Variants in TRPM6 observed in about 807,000 individuals in gnomAD.
TRPM6 encodes transient receptor potential cation channel subfamily M member 6.
Under a neutral mutation model 247.6 loss-of-function variants are expected in TRPM6, and 111 were observed. That is an observed-to-expected ratio of 0.45 (90% CI 0.38 to 0.52). The LOEUF is 0.52. Among genes scored for constraint, TRPM6 ranks in the 20% least tolerant of loss-of-function variants. TRPM6 has a pLI of 0.00. For missense variants in TRPM6, 2,126 were observed against 2,421.5 expected, an observed-to-expected ratio of 0.88 and a Z score of 2.56; for synonymous variants, 892 against 853.8, an observed-to-expected ratio of 1.04 and a Z score of -0.78.
At chr9:74,751,213 C>T (rs1826232938) in intron 29 of TRPM6, among the ~76,000 whole-genome samples, 1 of 152,148 alleles carries the variant, frequency 6.6e-6, no homozygotes, top group South Asian at 2.1e-4. Context: ...ATTTCCTACT[C>T]AAATTCAATT....
intron 12 of TRPM6, 104 bp from the exon 13 acceptor site, chr9:74,810,972 T>A: frequency 1.1e-6 from 1 of 891,718 alleles, no homozygotes; most frequent in Non-Finnish European, 1.8e-6. Flanking sequence ...TACTGAAAAT[T>A]GTGTTCAATA....
At chr9:74,877,635 T>C (rs773022724) in intron 1 of TRPM6, among the ~76,000 whole-genome samples, 1 of 152,268 alleles carries the variant, frequency 6.6e-6, no homozygotes, top group South Asian at 2.1e-4. Flanking sequence ...TGCTGCTGCC[T>C]ACAGGGCCAA....
chr9:74,851,262 T>C (rs1186256817), intron 3 of TRPM6, among the ~76,000 whole-genome samples: 1 of 152,106 alleles, frequency 6.6e-6, no homozygotes, highest in Non-Finnish European at 1.5e-5. Context: ...TTTATATAAA[T>C]GTCAATTCCA....
intron 9 of TRPM6, among the ~76,000 whole-genome samples, chr9:74,817,591 G>A (rs904642024): frequency 6.6e-6 from 1 of 152,134 alleles, no homozygotes; most frequent in Non-Finnish European, 1.5e-5. Context: ...CAACACAGAC[G>A]GTCTTTGACT....
chr9:74,800,909 T>TG (rs1828308130), intron 16 of TRPM6, among the ~76,000 whole-genome samples: 1 of 151,348 alleles, frequency 6.6e-6, no homozygotes, highest in East Asian at 1.9e-4. Context: ...AGTGTGTTTT[T>TG]TTTTTTTTTT....
At chr9:74,823,542 AT>A (rs202071138) in intron 7 of TRPM6, among the ~76,000 whole-genome samples, 1,625 of 152,304 alleles carry the variant, frequency 0.011, 22 homozygotes, top group African/African-American at 0.036. Context: ...TTGCTTTGAC[AT>A]TCTACTCCTT....
chr9:74,879,308 T>C (rs1831286932), intron 1 of TRPM6, among the ~76,000 whole-genome samples: 1 of 150,168 alleles, frequency 6.7e-6, no homozygotes, highest in Non-Finnish European at 1.5e-5. Context: ...TATTTGTATA[T>C]GATTTATATA....
intron 31 of TRPM6, among the ~76,000 whole-genome samples, chr9:74,745,335 G>T (rs892573459): frequency 6.6e-6 from 1 of 152,184 alleles, no homozygotes; most frequent in African/African-American, 2.4e-5. Context: ...CCTACTATGT[G>T]CCAGGCACTG....
intron 20 of TRPM6, 134 bp downstream of exon 20, chr9:74,788,480 T>C: frequency 9.6e-7 from 1 of 1,044,132 alleles, no homozygotes. Flanking sequence ...AGCATGTAAG[T>C]CAAGGTCAGT....
chr9:74,810,136 T>C (rs1434327944), intron 13 of TRPM6, among the ~76,000 whole-genome samples: 1 of 152,130 alleles, frequency 6.6e-6, no homozygotes, highest in South Asian at 2.1e-4. Context: ...ATTTTAACCA[T>C]AGTGACAAAT....
chr9:74,791,848 TG>T (rs1225026527), intron 19 of TRPM6, among the ~76,000 whole-genome samples: 2 of 152,160 alleles, frequency 1.3e-5, no homozygotes, highest in Non-Finnish European at 2.9e-5. Flanking sequence ...CTCTGCCCCC[TG>T]GGGTTCTCGC....
At chr9:74,771,184 A>C (rs1371800866) in intron 25 of TRPM6, among the ~76,000 whole-genome samples, 1 of 152,100 alleles carries the variant, frequency 6.6e-6, no homozygotes, top group East Asian at 1.9e-4. Context: ...CACTTCTTTC[A>C]GGCCTCCACT....
intron 37 of TRPM6, among the ~76,000 whole-genome samples, chr9:74,732,413 C>T (rs1357015111): frequency 1.3e-5 from 2 of 152,218 alleles, no homozygotes; most frequent in Admixed American, 1.3e-4. Flanking sequence ...ACATTGGGAA[C>T]TCAGTCAAAT....
chr9:74,779,292 C>G (rs1284372781), intron 23 of TRPM6, among the ~76,000 whole-genome samples: 1 of 152,136 alleles, frequency 6.6e-6, no homozygotes, highest in South Asian at 2.1e-4. Context: ...CCCATGCCCC[C>G]ACAAAAAACT....
At chr9:74,822,949 A>T (rs1829182822) in intron 7 of TRPM6, among the ~76,000 whole-genome samples, 2 of 152,170 alleles carry the variant, frequency 1.3e-5, no homozygotes, top group African/African-American at 4.8e-5. Context: ...ACATCACACT[A>T]TGAACAGTGG....
chr9:74,760,098 A>G (rs567671360), intron 27 of TRPM6, among the ~76,000 whole-genome samples: 1 of 152,244 alleles, frequency 6.6e-6, no homozygotes, highest in Non-Finnish European at 1.5e-5. Context: ...CTGTGATAAC[A>G]TCGTAGCACA....
At chr9:74,826,973 G>C (rs550324682) in intron 7 of TRPM6, 1 of 151,996 alleles carries the variant, frequency 6.6e-6, no homozygotes, top group Non-Finnish European at 1.5e-5. Context: ...CCTGACTTCA[G>C]GTGATCCACC....
At chr9:74,772,686 T>A (rs892291926) in intron 24 of TRPM6, among the ~76,000 whole-genome samples, 1 of 151,920 alleles carries the variant, frequency 6.6e-6, no homozygotes, top group Non-Finnish European at 1.5e-5. Context: ...TATTTTGAAA[T>A]GTATAATCAA....
intron 25 of TRPM6, among the ~76,000 whole-genome samples, chr9:74,763,411 C>T (rs1826720175): frequency 6.6e-6 from 1 of 152,118 alleles, no homozygotes; most frequent in South Asian, 2.1e-4. Context: ...ACCACATTTC[C>T]AGTTCCAGCT....
Sources: allele counts gnomAD v4.1 joint callset (sites outside exome capture counted in the v4.1 genomes callset), GRCh38; gene constraint gnomAD v4.1.1; transcripts MANE v1.5; gene names NCBI Gene and HGNC (gene_info 2026-07-23, HGNC 2026-07-21).